Variants in SMARCC1 observed in about 807,000 individuals in gnomAD.
SMARCC1 encodes the protein SWI/SNF complex subunit SMARCC1.
In SMARCC1, 43 loss-of-function variants were observed where a neutral mutation model predicts 147.4. The observed-to-expected ratio is 0.29, with a 90% CI of 0.23 to 0.38. The LOEUF is 0.38. Ranked by LOEUF, SMARCC1 falls within the 10% of genes least tolerant of loss-of-function variation. The pLI is 1.00. For synonymous variants in SMARCC1, 495 were observed against 484.4 expected (o/e 1.02, Z -0.29); for missense variants, 1,119 against 1,381.1 (o/e 0.81, Z 3.01).
chr3:47,613,834 T>C (rs1576387751), intron 25 of SMARCC1, among the ~76,000 whole-genome samples: 1 of 152,114 alleles, frequency 6.6e-6, no homozygotes, highest in East Asian at 1.9e-4. Context: ...CCCTCTTCAC[T>C]GTGTATGTAT....
intron 9 of SMARCC1, among the ~76,000 whole-genome samples, chr3:47,707,725 A>C (rs1291214119): frequency 6.6e-6 from 1 of 152,112 alleles, no homozygotes; most frequent in African/African-American, 2.4e-5. Flanking sequence ...ACAAACAAAA[A>C]AAAGTTAGCT....
Position 47,706,395 on chromosome 3 carries a change from G to T in SMARCC1, c.1040+14C>A. 6.5e-7 allele frequency: 1 copy of T among 1,538,712 alleles called. No individual in the cohort carries two copies. The highest frequency in any genetic ancestry group is 8.7e-7 in the Non-Finnish European group (1 of 1,147,882). On this transcript the variant is annotated intron_variant, in intron 10 of 27. Coordinates refer to ENST00000254480, the MANE Select transcript of SMARCC1 (RefSeq NM_003074.4). ...CCTGTTTTAATGCCCTTTGAATCATGTAATAGTTCTTACCCTTTCTTCCCA... is the reference window on the plus strand; with the variant it reads ...CCTGTTTTAATGCCCTTTGAATCATTTAATAGTTCTTACCCTTTCTTCCCA...
intron 2 of SMARCC1, among the ~76,000 whole-genome samples, chr3:47,746,861 G>A (rs1347450148): frequency 6.6e-6 from 1 of 151,488 alleles, no homozygotes; most frequent in Admixed American, 6.6e-5. Flanking sequence ...CTCCTAAGTA[G>A]CTGGGATTAT....
intron 3 of SMARCC1, among the ~76,000 whole-genome samples, chr3:47,740,653 A>G (rs2034498863): frequency 6.6e-6 from 1 of 152,188 alleles, no homozygotes; most frequent in Admixed American, 6.6e-5. Flanking sequence ...TGTTCTTAAT[A>G]CATCCTGTGC....
intron 5 of SMARCC1, 106 bp from the exon 6 acceptor site, chr3:47,729,200 T>C (rs1374565913): frequency 5.9e-6 from 4 of 683,018 alleles, no homozygotes; most frequent in Admixed American, 2.9e-5. Flanking sequence ...GTTTTACTTA[T>C]AGACTTTATA....
chr3:47,693,830 T>C (rs979607751), intron 11 of SMARCC1, among the ~76,000 whole-genome samples: 29 of 152,106 alleles, frequency 1.9e-4, no homozygotes, highest in African/African-American at 6.5e-4. Flanking sequence ...ACCTAGTTAA[T>C]TTTTGTATTT....
chr3:47,729,929 A>G (rs1302410588), intron 5 of SMARCC1, among the ~76,000 whole-genome samples: 2 of 152,188 alleles, frequency 1.3e-5, no homozygotes, highest in Admixed American at 6.6e-5. Flanking sequence ...TCATGTCTGT[A>G]ATCCTAGCAA....
intron 21 of SMARCC1, among the ~76,000 whole-genome samples, chr3:47,660,939 C>A (rs1323907152): frequency 6.6e-6 from 1 of 152,028 alleles, no homozygotes; most frequent in African/African-American, 2.4e-5. Context: ...GAATTTAAAC[C>A]CACTCAGCAA....
At chr3:47,668,859 T>C (rs778390096) in intron 19 of SMARCC1, among the ~76,000 whole-genome samples, 36 of 146,882 alleles carry the variant, frequency 2.5e-4, no homozygotes, top group Non-Finnish European at 4.2e-4. Context: ...CACACTAGCA[T>C]GGGGGAAGGG....
chr3:47,659,761 G>GGGC (rs1553680850), intron 21 of SMARCC1, among the ~76,000 whole-genome samples: 1 of 10,190 alleles, frequency 9.8e-5, no homozygotes, highest in East Asian at 6.2e-3. Flanking sequence ...AAAAAAAAAA[G>GGGC]GGGGGGGGGG....
At chr3:47,774,309 T>C (rs2034949188) in intron 1 of SMARCC1, among the ~76,000 whole-genome samples, 1 of 150,378 alleles carries the variant, frequency 6.6e-6, no homozygotes, top group Non-Finnish European at 1.5e-5. Context: ...CCGTCTCCAC[T>C]AAAAAACAAA....
chr3:47,700,300 C>T (rs1306765863), intron 11 of SMARCC1, among the ~76,000 whole-genome samples: 1 of 151,996 alleles, frequency 6.6e-6, no homozygotes, highest in African/African-American at 2.4e-5. Context: ...ACCTGTAATT[C>T]ACCAACTGAT....
At chr3:47,666,726 T>G (rs546391366) in intron 19 of SMARCC1, among the ~76,000 whole-genome samples, 35 of 152,234 alleles carry the variant, frequency 2.3e-4, no homozygotes, top group African/African-American at 7.0e-4. Context: ...TATGATTTTT[T>G]GGGGGGATTT....
intron 5 of SMARCC1, among the ~76,000 whole-genome samples, chr3:47,733,445 C>T (rs1046230392): frequency 6.6e-6 from 1 of 152,114 alleles, no homozygotes; most frequent in Non-Finnish European, 1.5e-5. Flanking sequence ...GGCAGTGGAG[C>T]ACACCTGTTG....
chr3:47,629,070 G>A (rs955978166), intron 24 of SMARCC1, among the ~76,000 whole-genome samples: 3 of 152,190 alleles, frequency 2.0e-5, no homozygotes, highest in Non-Finnish European at 4.4e-5. Context: ...GAGTAGGACT[G>A]GGCCCTGATG....
chr3:47,745,326 A>G (rs1192316522), intron 3 of SMARCC1, among the ~76,000 whole-genome samples: 1 of 152,190 alleles, frequency 6.6e-6, no homozygotes, highest in Non-Finnish European at 1.5e-5. Context: ...TTCATTATAC[A>G]CACACATTTC....
chr3:47,658,319 A>G (rs2033290124), intron 21 of SMARCC1, among the ~76,000 whole-genome samples: 1 of 152,246 alleles, frequency 6.6e-6, no homozygotes, highest in Admixed American at 6.5e-5. Flanking sequence ...CCATTGAAGG[A>G]GTACAAGTCA....
chr3:47,769,955 G>T (rs2106873200), intron 2 of SMARCC1, among the ~76,000 whole-genome samples: 1 of 152,296 alleles, frequency 6.6e-6, no homozygotes. Flanking sequence ...GCCGGGCACG[G>T]TGGCTCACGC....
chr3:47,621,273 C>G (rs1256975503), intron 25 of SMARCC1, among the ~76,000 whole-genome samples: 1 of 145,146 alleles, frequency 6.9e-6, no homozygotes, highest in African/African-American at 2.6e-5. Flanking sequence ...GCACTCCAGC[C>G]TGGCAACAGG....
Sources: allele counts gnomAD v4.1 joint callset (sites outside exome capture counted in the v4.1 genomes callset), GRCh38; gene constraint gnomAD v4.1.1; transcripts MANE v1.5; gene names NCBI Gene and HGNC (gene_info 2026-07-23, HGNC 2026-07-21).